Variants in ADK observed in about 807,000 individuals in gnomAD.
The protein encoded by ADK is adenosine kinase.
A neutral mutation model predicts 44.7 loss-of-function variants in ADK; 24 were observed. The observed-to-expected ratio is 0.54, with a 90% CI of 0.39 to 0.76. The LOEUF is 0.76. Ranked by LOEUF, ADK falls within the 30% of genes least tolerant of loss-of-function variation. ADK has a pLI of 0.00. For missense variants in ADK, 321 were observed against 425.1 expected (o/e 0.76, Z 2.15); for synonymous variants, 128 against 142.6 (o/e 0.90, Z 0.73).
intron 7 of ADK, among the ~76,000 whole-genome samples, chr10:74,568,764 CT>C (rs1173035961): frequency 2.0e-5 from 3 of 150,110 alleles, no homozygotes; most frequent in African/African-American, 7.4e-5. Flanking sequence ...GTTATTTGTA[CT>C]TTTTATATTT....
rs147549107 is a variant in ADK at position 74,201,940 on chromosome 10, G to A, written c.140+1102G>A. On this transcript the variant is annotated intron_variant, in intron 2 of 10. Transcript: ENST00000539909. The stretch of plus-strand genomic sequence containing the variant: ...AAAAAATTGAGGCAAAATTTATATC[G>A]CATAAAATTGATCGTTTTAACCATT... 1.1e-4 allele frequency among the ~76,000 whole-genome samples: 16 copies of A among 151,956 alleles called. No individual in the cohort carries two copies. In the East Asian group the frequency reaches 1.9e-3, roughly 18 times the overall value.
At chr10:74,701,415 C>T (rs1165171202) in intron 10 of ADK, among the ~76,000 whole-genome samples, 1 of 152,164 alleles carries the variant, frequency 6.6e-6, no homozygotes, top group Non-Finnish European at 1.5e-5. Flanking sequence ...AGATCTTGGT[C>T]TCTAATACCA....
chr10:74,549,442 T>A (rs576768097), intron 7 of ADK, among the ~76,000 whole-genome samples: 38 of 152,314 alleles, frequency 2.5e-4, no homozygotes, highest in African/African-American at 8.4e-4. Flanking sequence ...TTAATTTATT[T>A]ATTTATTTAG....
At chr10:74,640,556 A>G (rs1266938986) in intron 9 of ADK, among the ~76,000 whole-genome samples, 1 of 152,236 alleles carries the variant, frequency 6.6e-6, no homozygotes, top group Non-Finnish European at 1.5e-5. Context: ...GTAGCTAAAA[A>G]ATCTCTAATA....
rs556704531 is a variant in ADK, at chr10:74,498,252, A to G, written c.556-27004A>G. Among the ~76,000 whole-genome samples the G allele has an allele frequency of 2.8e-4, 43 of 152,368 alleles. No individual in the cohort carries two copies. The South Asian group carries it at 8.3e-3, about 29-fold the overall frequency. On this transcript the variant is annotated intron_variant, in intron 6 of 10. Transcript: ENST00000539909. The stretch of plus-strand genomic sequence containing the variant: ...TTTGTTTTGTTATAGAATAGTAAGT[A>G]CATCTTTTTATATTAGCATTTACCT...
intron 9 of ADK, among the ~76,000 whole-genome samples, chr10:74,666,951 C>T (rs1726257798): frequency 6.6e-6 from 1 of 151,566 alleles, no homozygotes; most frequent in Admixed American, 6.6e-5. Context: ...GTGCCTCAGC[C>T]TCCCAGGTAG....
intron 4 of ADK, among the ~76,000 whole-genome samples, chr10:74,380,831 C>T (rs1842958346): frequency 1.3e-5 from 2 of 152,118 alleles, no homozygotes; most frequent in African/African-American, 4.8e-5. Context: ...TAATTATACT[C>T]ATATAGTCAT....
chr10:74,652,754 A>T (rs1376035846), intron 9 of ADK, among the ~76,000 whole-genome samples: 1 of 151,562 alleles, frequency 6.6e-6, no homozygotes, highest in African/African-American at 2.4e-5. Flanking sequence ...GGCGAGACTT[A>T]GTATCAAAAA....
At chr10:74,586,924 TAC>T (rs543504467) in intron 7 of ADK, among the ~76,000 whole-genome samples, 54 of 150,144 alleles carry the variant, frequency 3.6e-4, no homozygotes, top group African/African-American at 1.1e-3. Flanking sequence ...TATATACATA[TAC>T]ACACACATAA....
In ADK at chr10:74,335,280, T is replaced by C. The variant is rs1841367680; in HGVS notation, c.273+20535T>C. Among the ~76,000 whole-genome samples the C allele has an allele frequency of 2.6e-5, 4 of 152,328 alleles. No homozygotes were observed. The South Asian group carries it at 8.3e-4, about 32-fold the overall frequency. ...TTTATTTATTTATTTTTTTGGCTTG[T>C]TGCCATTGGCTGTGCCAAAACGTGG... On this transcript the variant is annotated intron_variant, in intron 4 of 10. Coordinates refer to ENST00000539909, the MANE Select transcript of ADK (RefSeq NM_006721.4).
chr10:74,287,186 C>G (rs146460518), intron 3 of ADK, among the ~76,000 whole-genome samples: 3 of 152,030 alleles, frequency 2.0e-5, no homozygotes, highest in Admixed American at 6.6e-5. Context: ...ATCTCTTGGC[C>G]GGGCGCAGTG....
chr10:74,563,832 T>C (rs924327959), intron 7 of ADK, among the ~76,000 whole-genome samples: 1 of 152,206 alleles, frequency 6.6e-6, no homozygotes, highest in Admixed American at 6.5e-5. Flanking sequence ...CTGTTTTACT[T>C]ATCAATTTCC....
intron 3 of ADK, among the ~76,000 whole-genome samples, chr10:74,265,651 T>G (rs1001453363): frequency 6.6e-6 from 1 of 152,222 alleles, no homozygotes; most frequent in Non-Finnish European, 1.5e-5. Context: ...CTATACACTT[T>G]CAAGTGGTGA....
At chr10:74,678,015 C>A (rs958919511) in intron 10 of ADK, among the ~76,000 whole-genome samples, 3 of 144,876 alleles carry the variant, frequency 2.1e-5, no homozygotes, top group Admixed American at 7.0e-5. Context: ...GTGGCATGTG[C>A]CTGTAGTCCC....
chr10:74,533,714 G>A (rs925676224), intron 7 of ADK, among the ~76,000 whole-genome samples: 2 of 152,116 alleles, frequency 1.3e-5, no homozygotes, highest in African/African-American at 4.8e-5. Context: ...GGAGAATGGT[G>A]TTCTTGTTTC....
chr10:74,473,519 T>C (rs1846688968), intron 6 of ADK, among the ~76,000 whole-genome samples: 1 of 152,212 alleles, frequency 6.6e-6, no homozygotes, highest in Non-Finnish European at 1.5e-5. Flanking sequence ...TGTCTTGCCT[T>C]CTCTTTTGTG....
chr10:74,297,164 A>G (rs183358161), intron 3 of ADK, among the ~76,000 whole-genome samples: 9 of 152,274 alleles, frequency 5.9e-5, no homozygotes, highest in Admixed American at 2.0e-4. Context: ...AAGTGTTTGT[A>G]TTTTGTGTGT....
chr10:74,452,663 C>T (rs1845816591), intron 6 of ADK, among the ~76,000 whole-genome samples: 1 of 151,572 alleles, frequency 6.6e-6, no homozygotes, highest in Non-Finnish European at 1.5e-5. Context: ...CTGTAATATT[C>T]AGGTGTTTTT....
chr10:74,347,612 G>A (rs1438643810), intron 4 of ADK, among the ~76,000 whole-genome samples: 4 of 152,186 alleles, frequency 2.6e-5, no homozygotes, highest in South Asian at 2.1e-4. Flanking sequence ...AGGGAGCCAC[G>A]TGGTCTTGCT....
Sources: allele counts gnomAD v4.1 joint callset (sites outside exome capture counted in the v4.1 genomes callset), GRCh38; gene constraint gnomAD v4.1.1; transcripts MANE v1.5; gene names NCBI Gene and HGNC (gene_info 2026-07-23, HGNC 2026-07-21).